Variants in COL25A1 observed in about 807,000 individuals in gnomAD.
COL25A1 encodes collagen type XXV alpha 1 chain.
Under a neutral mutation model 128.4 loss-of-function variants are expected in COL25A1, and 103 were observed. That is an observed-to-expected ratio of 0.80 (90% CI 0.68 to 0.94). The LOEUF (loss-of-function observed/expected upper bound fraction) is 0.94, where lower values mean the gene tolerates loss of function less well. Among genes scored for constraint, COL25A1 ranks in the 40% least tolerant of loss-of-function variants. COL25A1 has a pLI of 0.00. For missense variants in COL25A1, 745 were observed against 840.0 expected (o/e 0.89, Z 1.40); for synonymous variants, 279 against 277.2 (o/e 1.01, Z -0.06).
At chr4:108,926,882 G>C (rs965169824) in intron 11 of COL25A1, among the ~76,000 whole-genome samples, 1 of 152,018 alleles carries the variant, frequency 6.6e-6, no homozygotes, top group Non-Finnish European at 1.5e-5. Context: ...TAAGTGTGTG[G>C]AAATGCCAAC....
At chr4:108,830,530 G>C (rs544469506) in intron 32 of COL25A1, among the ~76,000 whole-genome samples, 2 of 152,210 alleles carry the variant, frequency 1.3e-5, no homozygotes, top group East Asian at 1.9e-4. Context: ...TCACACTCCA[G>C]TTTAGCACTT....
Position 108,853,719 on chromosome 4 carries a change from A to C in COL25A1, c.1321-794T>G, listed in dbSNP as rs541017317. Among the ~76,000 whole-genome samples the C allele has an allele frequency of 5.5e-4, 78 of 140,622 alleles. 1 individual carries two copies. In the South Asian group the frequency reaches 0.014, roughly 25 times the overall value. The allele number at this position is 140,622 out of a possible 152,430, so 92.3% of individuals were successfully genotyped here. A position where few individuals can be genotyped will look rare whatever the true frequency, so the allele number is the denominator to read the frequency against. ...GTGTGATGTTCCCCTCCCTGTGCCC[A>C]TATGTTCTCATTGTTCAACTCCCAC... is the stretch of plus-strand genomic sequence containing the variant. On this transcript the variant is annotated intron_variant, in intron 24 of 37. Coordinates refer to ENST00000399132, the MANE Select transcript of COL25A1 (RefSeq NM_198721.4).
chr4:109,089,721 T>C (rs1764728872), intron 3 of COL25A1, among the ~76,000 whole-genome samples: 1 of 152,144 alleles, frequency 6.6e-6, no homozygotes, highest in African/African-American at 2.4e-5. Context: ...TTCTCCCAGT[T>C]AAGCCTCCCA....
At chr4:108,850,428 A>T (rs1219895010) in intron 26 of COL25A1, among the ~76,000 whole-genome samples, 1 of 151,524 alleles carries the variant, frequency 6.6e-6, no homozygotes, top group Non-Finnish European at 1.5e-5. Flanking sequence ...AAAGGACTAC[A>T]TCAGCTAACA....
chr4:109,268,377 A>T (rs1781933475), intron 3 of COL25A1, among the ~76,000 whole-genome samples: 1 of 152,144 alleles, frequency 6.6e-6, no homozygotes, highest in Non-Finnish European at 1.5e-5. Context: ...GAAAATGACG[A>T]CCACTGCCCA....
intron 5 of COL25A1, among the ~76,000 whole-genome samples, chr4:109,034,325 A>G (rs1032528802): frequency 6.6e-6 from 1 of 152,224 alleles, no homozygotes; most frequent in Non-Finnish European, 1.5e-5. Flanking sequence ...TTTGTTGGCT[A>G]TAGTTCAGCA....
chr4:109,078,573 G>T (rs1279522511), intron 3 of COL25A1, among the ~76,000 whole-genome samples: 1 of 152,016 alleles, frequency 6.6e-6, no homozygotes, highest in East Asian at 1.9e-4. Context: ...ATCAGATTAA[G>T]AATACACATT....
intron 32 of COL25A1, among the ~76,000 whole-genome samples, chr4:108,831,687 G>GGAGAGAGAGAGAGAGA (rs3062875): frequency 9.0e-5 from 13 of 144,300 alleles, no homozygotes; most frequent in African/African-American, 3.1e-4. Context: ...AGAGAGAGGG[G>GGAGAGAGAGAGAGAGA]GAGAGAGAGA....
chr4:109,295,362 T>C (rs1317824680), intron 3 of COL25A1, among the ~76,000 whole-genome samples: 3 of 152,092 alleles, frequency 2.0e-5, no homozygotes, highest in African/African-American at 7.2e-5. Context: ...CAATTTAACA[T>C]GGATGCTTGA....
chr4:108,939,641 G>A (rs927208025), intron 10 of COL25A1, among the ~76,000 whole-genome samples: 2 of 151,714 alleles, frequency 1.3e-5, no homozygotes, highest in African/African-American at 2.4e-5. Flanking sequence ...TTTCTGCTTC[G>A]TGGATAAATA....
Position 108,810,581 on chromosome 4 carries a change from C to A in COL25A1, c.*3346G>T, listed in dbSNP as rs1730716071. 1 of 151,930 alleles carries A rather than the reference C, an allele frequency of 6.6e-6. No homozygotes were observed. The highest frequency in any genetic ancestry group is 1.5e-5 in the Non-Finnish European group (1 of 67,844). The allele number at this position is 151,930 out of a possible 1,614,324, so 9.4% of individuals were successfully genotyped here. Reference sequence around the variant, plus strand: ...CACTAGGTACTCTATACGGTGTGTGCAGACTTCTCTGATGCTAGTTTTGTC... The same window carrying A: ...CACTAGGTACTCTATACGGTGTGTGAAGACTTCTCTGATGCTAGTTTTGTC... On this transcript the variant is annotated 3_prime_UTR_variant, in exon 38 of 38. Transcript: ENST00000399132.
At chr4:108,840,185 C>T (rs535368112) in intron 31 of COL25A1, among the ~76,000 whole-genome samples, 152 of 143,118 alleles carry the variant, frequency 1.1e-3, no homozygotes, top group South Asian at 1.5e-3. Context: ...GAGGTTGCAG[C>T]GAGCCAAGAC....
intron 16 of COL25A1, among the ~76,000 whole-genome samples, chr4:108,895,597 C>T (rs1253856373): frequency 6.6e-6 from 1 of 152,102 alleles, no homozygotes; most frequent in Non-Finnish European, 1.5e-5. Flanking sequence ...ACCCTTTGCC[C>T]CAGGACTGAA....
intron 3 of COL25A1, among the ~76,000 whole-genome samples, chr4:109,263,043 C>A (rs1310103383): frequency 6.6e-6 from 1 of 152,100 alleles, no homozygotes; most frequent in Non-Finnish European, 1.5e-5. Context: ...GCAGCAGAAT[C>A]ACTTGAACCT....
chr4:109,168,060 G>A (rs1404919344), intron 3 of COL25A1, among the ~76,000 whole-genome samples: 11 of 152,144 alleles, frequency 7.2e-5, no homozygotes, highest in Admixed American at 7.2e-4. Context: ...AAGAAAGAAT[G>A]ATGAACTAAG....
chr4:109,254,469 TTATATATATATATATATATA>T (rs55997800), intron 3 of COL25A1, among the ~76,000 whole-genome samples: 22 of 59,582 alleles, frequency 3.7e-4, no homozygotes, highest in South Asian at 2.0e-3. Flanking sequence ...AGGCATATGT[TTATATATATATATATATATA>T]TATATATATA....
chr4:109,014,672 A>G (rs1004191545), intron 5 of COL25A1, among the ~76,000 whole-genome samples: 10 of 152,226 alleles, frequency 6.6e-5, no homozygotes, highest in Non-Finnish European at 1.5e-5. Context: ...TGACATCTAT[A>G]TAGGCATTGA....
At chr4:109,023,536 A>G (rs556898291) in intron 5 of COL25A1, among the ~76,000 whole-genome samples, 1 of 152,316 alleles carries the variant, frequency 6.6e-6, no homozygotes, top group East Asian at 1.9e-4. Context: ...AGGCTGAAGA[A>G]CTTTCCAACG....
At chr4:109,247,534 T>C (rs1286658594) in intron 3 of COL25A1, among the ~76,000 whole-genome samples, 2 of 152,176 alleles carry the variant, frequency 1.3e-5, no homozygotes, top group Non-Finnish European at 2.9e-5. Context: ...TTAGGGAACA[T>C]GTAATATTGC....
Sources: allele counts gnomAD v4.1 joint callset (sites outside exome capture counted in the v4.1 genomes callset), GRCh38; gene constraint gnomAD v4.1.1; transcripts MANE v1.5; gene names NCBI Gene and HGNC (gene_info 2026-07-23, HGNC 2026-07-21).